UBE2Q2: variants seen among roughly 807,000 people sequenced by gnomAD.
The protein encoded by UBE2Q2 is ubiquitin conjugating enzyme E2 Q2, also known as ubiquitin-conjugating enzyme E2 Q2.
UBE2Q2 carries 54 observed loss-of-function variants against 59.9 expected under a neutral mutation model. The observed-to-expected ratio is 0.90, with a 90% CI of 0.72 to 1.13. The LOEUF is 1.13. Among genes scored for constraint, UBE2Q2 ranks in the 50% most tolerant of loss-of-function variants. UBE2Q2 has a pLI of 0.00. For synonymous variants in UBE2Q2, 165 were observed against 155.2 expected, an observed-to-expected ratio of 1.06 and a Z score of -0.47; for missense variants, 433 against 441.9, an observed-to-expected ratio of 0.98 and a Z score of 0.18.
intron 2 of UBE2Q2, among the ~76,000 whole-genome samples, chr15:75,855,054 TTCTC>T (rs1896829913): frequency 6.6e-6 from 1 of 152,160 alleles, no homozygotes; most frequent in South Asian, 2.1e-4. Context: ...CTCCCATAAT[TTCTC>T]TACCTAATAT....
intron 6 of UBE2Q2, among the ~76,000 whole-genome samples, chr15:75,877,246 C>G (rs1467308780): frequency 6.9e-6 from 1 of 144,856 alleles, no homozygotes; most frequent in Admixed American, 6.9e-5. Flanking sequence ...GTGAGCAAAT[C>G]AAAATTAATT....
At chr15:75,844,242 C>T (rs1022154683) in intron 1 of UBE2Q2, 15 of 1,493,318 alleles carry the variant, frequency 1.0e-5, no homozygotes, top group South Asian at 2.7e-5. Context: ...GAGCCCAGGC[C>T]GGCAAGGGGA....
chr15:75,856,292 T>TATATAA (rs1285992018), intron 2 of UBE2Q2, among the ~76,000 whole-genome samples: 3 of 142,184 alleles, frequency 2.1e-5, no homozygotes, highest in Admixed American at 1.4e-4. Context: ...TATATATATA[T>TATATAA]AATGAATTTC....
chr15:75,860,117 G>A (rs567720998), intron 3 of UBE2Q2, 135 bp downstream of exon 3: 1 of 694,738 alleles, frequency 1.4e-6, no homozygotes, highest in Non-Finnish European at 2.4e-6. Flanking sequence ...GAATTGTTTT[G>A]TTTGTTCTGT....
intron 4 of UBE2Q2, 70 bp downstream of exon 4, chr15:75,869,080 CTT>C: frequency 7.8e-7 from 1 of 1,289,628 alleles, no homozygotes; most frequent in Admixed American, 2.1e-5. Flanking sequence ...ATTCTCAAAT[CTT>C]TTTTATAGAC....
At chr15:75,889,019 T>A (rs796686784) in intron 9 of UBE2Q2, among the ~76,000 whole-genome samples, 1 of 152,224 alleles carries the variant, frequency 6.6e-6, no homozygotes, top group Admixed American at 6.5e-5. Flanking sequence ...ATCAACCGAT[T>A]ATTAAGCTTT....
At chr15:75,875,876 A>G (rs1257200750) in intron 5 of UBE2Q2, among the ~76,000 whole-genome samples, 1 of 151,934 alleles carries the variant, frequency 6.6e-6, no homozygotes, top group Non-Finnish European at 1.5e-5. Flanking sequence ...CCTGGCCAAC[A>G]TGGTGAAATC....
intron 5 of UBE2Q2, 105 bp from the exon 6 acceptor site, chr15:75,876,082 A>AT: frequency 1.8e-6 from 2 of 1,141,634 alleles, no homozygotes; most frequent in Non-Finnish European, 2.5e-6. Flanking sequence ...AAAAAAAAAA[A>AT]ATGTTGAGTG....
chr15:75,885,463 G>A (rs1375013081), intron 9 of UBE2Q2, among the ~76,000 whole-genome samples: 1 of 152,172 alleles, frequency 6.6e-6, no homozygotes, highest in Non-Finnish European at 1.5e-5. Flanking sequence ...GCAAGGTTTT[G>A]GGAAACCAGG....
chr15:75,852,280 T>C (rs578211561), intron 1 of UBE2Q2, among the ~76,000 whole-genome samples: 11 of 152,346 alleles, frequency 7.2e-5, no homozygotes, highest in African/African-American at 2.6e-4. Flanking sequence ...AGTTTGGTGT[T>C]ACCGCCTTTA....
chr15:75,844,109 C>T (rs1272226564), intron 1 of UBE2Q2: 4 of 1,416,134 alleles, frequency 2.8e-6, no homozygotes, highest in South Asian at 3.1e-5. Context: ...TCCCCGTCTC[C>T]TAGCCCCGAG....
chr15:75,876,403 C>G, intron 6 of UBE2Q2, 132 bp downstream of exon 6: 1 of 748,216 alleles, frequency 1.3e-6, no homozygotes. Context: ...ATGTGAAACT[C>G]AAATGCAATC....
intron 3 of UBE2Q2, among the ~76,000 whole-genome samples, chr15:75,860,742 C>T (rs929808744): frequency 1.2e-4 from 19 of 152,056 alleles, no homozygotes. Context: ...TTCCTCTGTG[C>T]CCATCTTGGC....
intron 1 of UBE2Q2, among the ~76,000 whole-genome samples, chr15:75,846,323 C>T (rs552486036): frequency 4.1e-4 from 62 of 152,282 alleles, no homozygotes; most frequent in African/African-American, 1.5e-3. Flanking sequence ...CTGCAACCTC[C>T]GCCTCCCAGG....
At chr15:75,886,021 T>C (rs779306958) in intron 9 of UBE2Q2, among the ~76,000 whole-genome samples, 4 of 152,220 alleles carry the variant, frequency 2.6e-5, no homozygotes, top group African/African-American at 9.6e-5. Context: ...AGTCTTTTAC[T>C]AGCCACCAAG....
chr15:75,863,891 C>T (rs978754806), intron 3 of UBE2Q2, among the ~76,000 whole-genome samples: 1 of 152,110 alleles, frequency 6.6e-6, no homozygotes, highest in African/African-American at 2.4e-5. Context: ...CTGCCCACCT[C>T]GGCCTCCCAG....
intron 6 of UBE2Q2, among the ~76,000 whole-genome samples, chr15:75,877,159 C>CCA (rs375745495): frequency 3.0e-5 from 2 of 67,666 alleles, no homozygotes; most frequent in African/African-American, 5.7e-5. Context: ...GAGACTCTGT[C>CCA]AAAAAAAAAA....
intron 1 of UBE2Q2, among the ~76,000 whole-genome samples, chr15:75,853,777 T>C (rs1363908851): frequency 3.3e-5 from 5 of 152,144 alleles, no homozygotes; most frequent in African/African-American, 1.2e-4. Context: ...TAAGGCAGGA[T>C]AGGGAGAGAA....
chr15:75,882,537 G>T (rs1472517123), intron 8 of UBE2Q2, among the ~76,000 whole-genome samples: 1 of 152,022 alleles, frequency 6.6e-6, no homozygotes. Context: ...ATAATAGGAG[G>T]TTAAATGAAA....
Sources: gnomAD v4.1 joint callset for allele counts (sites outside exome capture counted in the v4.1 genomes callset) on GRCh38, gnomAD v4.1.1 for gene constraint, MANE v1.5 for transcripts, NCBI Gene and HGNC (gene_info 2026-07-23, HGNC 2026-07-21) for gene names.